Variants in PAPOLA observed in about 807,000 individuals in gnomAD.
PAPOLA encodes polynucleotide adenylyltransferase alpha.
Under a neutral mutation model 100.6 loss-of-function variants are expected in PAPOLA, and 15 were observed. The observed-to-expected ratio is 0.15, with a 90% CI of 0.10 to 0.23. The LOEUF (loss-of-function observed/expected upper bound fraction) is 0.23. PAPOLA is among the 10% of genes least tolerant of loss of function. PAPOLA has a pLI of 1.00. For synonymous variants in PAPOLA, 293 were observed against 300.0 expected (o/e 0.98, Z 0.24); for missense variants, 533 against 884.2 (o/e 0.60, Z 5.04).
intron 1 of PAPOLA, 40 bp downstream of exon 1, chr14:96,502,640 G>A: frequency 6.4e-7 from 1 of 1,558,718 alleles, no homozygotes; most frequent in Non-Finnish European, 8.7e-7. Context: ...CTCGCCGGCT[G>A]GGCCTTGGGG....
chr14:96,564,213 T>A (rs10136277), intron 21 of PAPOLA, among the ~76,000 whole-genome samples: 35,821 of 151,958 alleles, frequency 0.24, 4,392 homozygotes, highest in African/African-American at 0.31. Flanking sequence ...ATAGATGAAA[T>A]GATAAGATCT....
At chr14:96,509,454 A>G (rs1896955045) in intron 1 of PAPOLA, among the ~76,000 whole-genome samples, 1 of 152,230 alleles carries the variant, frequency 6.6e-6, no homozygotes, top group South Asian at 2.1e-4. Context: ...ATATAAACAA[A>G]AGTAACATAT....
In PAPOLA at chr14:96,527,404, TGGTTGATG is replaced by T; in HGVS notation, c.332-23_332-16del. ...ATAATTTTCTTGTAATATTAATTAG[TGGTTGATG>T]GGCTTAATTTTTTTTAGGTGCTGAT... is the stretch of plus-strand genomic sequence containing the variant. On this transcript the variant is annotated intron_variant, in intron 4 of 21. Coordinates refer to ENST00000216277, the MANE Select transcript of PAPOLA (RefSeq NM_032632.5). 1 of 1,321,810 alleles carries T rather than the reference TGGTTGATG, an allele frequency of 7.6e-7. No homozygotes were observed. Among genetic ancestry groups the T allele is most frequent in the East Asian group, 2.3e-5 (1 of 43,530 alleles). 81.9% of individuals were successfully genotyped at this position (1,321,810 alleles called of 1,614,324 possible). A position where few individuals can be genotyped will look rare whatever the true frequency, so the allele number is the denominator to read the frequency against.
rs1044864947 is a variant in PAPOLA at position 96,532,146 on chromosome 14, CCT to C, written c.608-182_608-181del. On this transcript the variant is annotated intron_variant, in intron 7 of 21. Coordinates refer to ENST00000216277, the MANE Select transcript of PAPOLA (RefSeq NM_032632.5). ...AGATAAATGCTTTAGATTTTTTCCC[CCT>C]CTTTATTGAATTAGCTTTACTGGTT... 7.9e-5 allele frequency: 108 copies of C among 1,372,570 alleles called. No homozygotes were observed. The African/African-American group carries it at 9.8e-4, about 12-fold the overall frequency. The allele number at this position is 1,372,570 out of a possible 1,614,324, so 85.0% of individuals were successfully genotyped here. A position where few individuals can be genotyped will look rare whatever the true frequency, so the allele number is the denominator to read the frequency against.
rs376169699 is a variant in PAPOLA, at chr14:96,565,593, A to G, written c.*543A>G. 1.3e-5 allele frequency: 5 copies of G among 395,436 alleles called. No individual in the cohort carries two copies. Among genetic ancestry groups the G allele is most frequent in the Admixed American group, 8.8e-5 (2 of 22,770 alleles). The allele number at this position is 395,436 out of a possible 1,614,324, so 24.5% of individuals were successfully genotyped here. ...TAAGAGTACATCTAGTTCAGTTCCT[A>G]TGAGGTAGCTGTAACCCTTAAAAAT... On this transcript the variant is annotated 3_prime_UTR_variant, in exon 22 of 22. Transcript: ENST00000216277.
rs919573465 is a variant in PAPOLA, at chr14:96,531,328, C to T, written c.496-147C>T. 58 of 614,456 alleles carry T rather than the reference C, an allele frequency of 9.4e-5. No homozygotes were observed. In the Middle Eastern group the frequency reaches 1.3e-3, roughly 14 times the overall value. The allele number at this position is 614,456 out of a possible 1,614,324, so 38.1% of individuals were successfully genotyped here. A position where few individuals can be genotyped will look rare whatever the true frequency, so the allele number is the denominator to read the frequency against. On this transcript the variant is annotated intron_variant, in intron 6 of 21. Transcript: ENST00000216277. ...TATTTTTTTTATAGAGACAGGGTTT[C>T]GCCATGTTGCCCAGGCTGGTCTTGC...
chr14:96,533,939 C>G (rs1246636476), intron 9 of PAPOLA: 3 of 984,730 alleles, frequency 3.0e-6, no homozygotes, highest in Non-Finnish European at 2.4e-6. Context: ...CAGGTGTTCT[C>G]CAGTTTTTAC....
chr14:96,502,409 G>A lies in PAPOLA; in HGVS notation c.-184G>A. Reference sequence around the variant, plus strand: ...AACGTTGCTGTGGTAGCGCTCGGGCGCCATGTTAGGACGAAGGGGAAGGAG... The same window carrying A: ...AACGTTGCTGTGGTAGCGCTCGGGCACCATGTTAGGACGAAGGGGAAGGAG... On this transcript the variant is annotated 5_prime_UTR_variant, in exon 1 of 22. Coordinates refer to ENST00000216277, the MANE Select transcript of PAPOLA (RefSeq NM_032632.5). 2.9e-6 allele frequency: 2 copies of A among 698,368 alleles called. No individual in the cohort carries two copies. The highest frequency in any genetic ancestry group is 2.6e-6 in the Non-Finnish European group (1 of 382,818). 43.3% of individuals were successfully genotyped at this position (698,368 alleles called of 1,614,324 possible). A position where few individuals can be genotyped will look rare whatever the true frequency, so the allele number is the denominator to read the frequency against.
intron 21 of PAPOLA, among the ~76,000 whole-genome samples, chr14:96,564,558 G>A (rs1268232761): frequency 6.6e-6 from 1 of 151,994 alleles, no homozygotes; most frequent in Non-Finnish European, 1.5e-5. Context: ...TATAAAATGA[G>A]CTTTGAGTAT....
intron 7 of PAPOLA, 184 bp from the exon 8 acceptor site, chr14:96,532,147 C>G (rs58057794): frequency 7.3e-6 from 10 of 1,374,400 alleles, no homozygotes; most frequent in Non-Finnish European, 7.5e-6. Flanking sequence ...TTTTTTCCCC[C>G]TCTTTATTGA....
intron 1 of PAPOLA, among the ~76,000 whole-genome samples, chr14:96,517,907 G>A (rs2140247938): frequency 6.6e-6 from 1 of 152,094 alleles, no homozygotes; most frequent in South Asian, 2.1e-4. Flanking sequence ...CGCCTTCTTG[G>A]CTGGGCTGGT....
chr14:96,510,247 T>A (rs1425225063), intron 1 of PAPOLA, among the ~76,000 whole-genome samples: 1 of 152,200 alleles, frequency 6.6e-6, no homozygotes, highest in African/African-American at 2.4e-5. Context: ...TAAATTACAT[T>A]TCCTGAAATT....
chr14:96,550,130 C>G (rs1421323541), intron 16 of PAPOLA, among the ~76,000 whole-genome samples: 3 of 152,176 alleles, frequency 2.0e-5, no homozygotes, highest in Non-Finnish European at 4.4e-5. Context: ...GTCTGAGTGA[C>G]AGAACGAGAC....
At chr14:96,517,897 C>T (rs186225801) in intron 1 of PAPOLA, among the ~76,000 whole-genome samples, 6 of 152,118 alleles carry the variant, frequency 3.9e-5, no homozygotes, top group Admixed American at 1.3e-4. Context: ...AATGGGTTTA[C>T]GCCTTCTTGG....
At chr14:96,543,437 A>C (rs1900152201) in intron 14 of PAPOLA, among the ~76,000 whole-genome samples, 1 of 152,084 alleles carries the variant, frequency 6.6e-6, no homozygotes, top group Admixed American at 6.6e-5. Flanking sequence ...TAGACTCTAT[A>C]CTTTGTTGCA....
intron 1 of PAPOLA, among the ~76,000 whole-genome samples, chr14:96,504,092 G>A (rs1896540513): frequency 6.6e-6 from 1 of 152,188 alleles, no homozygotes; most frequent in Non-Finnish European, 1.5e-5. Context: ...AAGCAAGATT[G>A]TTGTGGTGTT....
chr14:96,504,655 C>G (rs1896587365), intron 1 of PAPOLA: 1 of 152,252 alleles, frequency 6.6e-6, no homozygotes, highest in Non-Finnish European at 1.5e-5. Flanking sequence ...GAGCCTTGAT[C>G]ATGCCACTGC....
chr14:96,513,934 G>A (rs1458190353), intron 1 of PAPOLA, among the ~76,000 whole-genome samples: 1 of 152,036 alleles, frequency 6.6e-6, no homozygotes, highest in African/African-American at 2.4e-5. Flanking sequence ...CTTGACTAAG[G>A]CTCTGAAAAT....
intron 12 of PAPOLA, chr14:96,541,951 A>G (rs79552184): frequency 0.054 from 11,140 of 206,962 alleles, 311 homozygotes; most frequent in Admixed American, 0.058. Context: ...TAGGCAGAGC[A>G]CTCAATCGGT....
Sources: gnomAD v4.1 joint callset for allele counts (sites outside exome capture counted in the v4.1 genomes callset) on GRCh38, gnomAD v4.1.1 for gene constraint, MANE v1.5 for transcripts, NCBI Gene and HGNC (gene_info 2026-07-23, HGNC 2026-07-21) for gene names.